Variants in CADM2 observed in about 807,000 individuals in gnomAD.
CADM2 encodes the protein immunoglobulin superfamily member 4D.
Under a neutral mutation model 49.8 loss-of-function variants are expected in CADM2, and 12 were observed. The ratio of observed to expected loss-of-function variants is 0.24; its 90% CI spans 0.15 to 0.39. CADM2 has a LOEUF of 0.39. CADM2 is among the 10% of genes least tolerant of loss of function. The probability of loss-of-function intolerance (pLI) is 1.00; values close to 1 mark genes in which losing one functional copy is unlikely to be tolerated. For synonymous variants in CADM2, 214 were observed against 175.4 expected (o/e 1.22, Z -1.74); for missense variants, 378 against 492.3 (o/e 0.77, Z 2.20).
At position 85,296,588 on chromosome 3, in the gene CADM2, T is replaced by C. The variant is rs1463786232; in HGVS notation, c.61+336920T>C. Reference sequence around the variant, plus strand: ...ACATACAGAAACACAGATATATTAATAAATGATACCTTAGAGTCTCACTCC... The same window carrying C: ...ACATACAGAAACACAGATATATTAACAAATGATACCTTAGAGTCTCACTCC... On this transcript the variant is annotated intron_variant, in intron 1 of 9. Transcript: ENST00000383699. Among the ~76,000 whole-genome samples the C allele has an allele frequency of 2.6e-5, 4 of 152,208 alleles. No homozygotes were observed. In the East Asian group the frequency reaches 7.8e-4, roughly 29 times the overall value.
chr3:85,791,521 GGAGA>G (rs373247946), intron 2 of CADM2, among the ~76,000 whole-genome samples: 34 of 131,334 alleles, frequency 2.6e-4, no homozygotes, highest in South Asian at 5.1e-4. Context: ...GGGTGGGGAG[GGAGA>G]GAGAGAGAGA....
intron 1 of CADM2, among the ~76,000 whole-genome samples, chr3:85,342,800 T>C (rs1375943608): frequency 6.6e-6 from 1 of 152,134 alleles, no homozygotes. Flanking sequence ...ACATGGAGTA[T>C]TGTCATGAAG....
At chr3:85,682,185 G>C (rs1272395025) in intron 1 of CADM2, among the ~76,000 whole-genome samples, 1 of 152,048 alleles carries the variant, frequency 6.6e-6, no homozygotes, top group Non-Finnish European at 1.5e-5. Flanking sequence ...TCACAAGATT[G>C]AATGAGCACT....
intron 1 of CADM2, among the ~76,000 whole-genome samples, chr3:85,220,473 T>C (rs1238309146): frequency 6.6e-6 from 1 of 152,166 alleles, no homozygotes; most frequent in Non-Finnish European, 1.5e-5. Flanking sequence ...TGTTTGTCTC[T>C]GTAATGTCAA....
chr3:85,375,391 T>C (rs894924657), intron 1 of CADM2, among the ~76,000 whole-genome samples: 13 of 152,332 alleles, frequency 8.5e-5, no homozygotes, highest in Admixed American at 5.2e-4. Context: ...TGTTGATAAT[T>C]GGCTGTAGCC....
intron 1 of CADM2, among the ~76,000 whole-genome samples, chr3:85,311,675 C>T (rs560960236): frequency 4.0e-4 from 61 of 152,188 alleles, no homozygotes; most frequent in Admixed American, 8.5e-4. Flanking sequence ...CACGCCCGGC[C>T]GCATCATTTT....
intron 1 of CADM2, among the ~76,000 whole-genome samples, chr3:85,210,774 T>G (rs2041759518): frequency 1.3e-5 from 2 of 152,152 alleles, no homozygotes; most frequent in Admixed American, 1.3e-4. Flanking sequence ...ACTGCTGAGC[T>G]GAAGTGATCC....
chr3:85,626,679 G>A (rs2064140062), intron 1 of CADM2, among the ~76,000 whole-genome samples: 1 of 151,966 alleles, frequency 6.6e-6, no homozygotes, highest in Non-Finnish European at 1.5e-5. Context: ...TCAAAAATCT[G>A]TAAATTGCAG....
chr3:85,746,898 G>A (rs1354036444), intron 2 of CADM2, among the ~76,000 whole-genome samples: 2 of 152,094 alleles, frequency 1.3e-5, no homozygotes, highest in Non-Finnish European at 2.9e-5. Flanking sequence ...TTTTTTCTCT[G>A]AGGGCTGAGG....
At chr3:85,079,728 G>T (rs544795670) in intron 1 of CADM2, among the ~76,000 whole-genome samples, 3 of 151,864 alleles carry the variant, frequency 2.0e-5, no homozygotes, top group Admixed American at 6.6e-5. Context: ...AAATTACATA[G>T]CAATAGCTTG....
intron 1 of CADM2, among the ~76,000 whole-genome samples, chr3:84,992,627 C>G (rs2032956465): frequency 6.6e-6 from 1 of 152,084 alleles, no homozygotes; most frequent in South Asian, 2.1e-4. Context: ...GACTCCTTCT[C>G]AACAACAACA....
chr3:85,918,204 G>T (rs1051869348), intron 6 of CADM2, among the ~76,000 whole-genome samples: 26 of 152,088 alleles, frequency 1.7e-4, no homozygotes, highest in African/African-American at 6.3e-4. Flanking sequence ...AATAGGGGTG[G>T]TGAGAGAAGG....
At chr3:85,668,559 A>T (rs545032468) in intron 1 of CADM2, among the ~76,000 whole-genome samples, 5 of 152,022 alleles carry the variant, frequency 3.3e-5, no homozygotes, top group Non-Finnish European at 5.9e-5. Flanking sequence ...TGTTCTCATG[A>T]TAGTGAATAA....
At chr3:85,094,952 A>G (rs1026454903) in intron 1 of CADM2, among the ~76,000 whole-genome samples, 22 of 152,168 alleles carry the variant, frequency 1.4e-4, no homozygotes, top group Admixed American at 2.0e-4. Flanking sequence ...AATATGTGCC[A>G]GTCTCCGAAA....
intron 1 of CADM2, among the ~76,000 whole-genome samples, chr3:85,396,495 T>C (rs2107418926): frequency 6.6e-6 from 1 of 152,138 alleles, no homozygotes; most frequent in Admixed American, 6.5e-5. Context: ...TTTTAAATTA[T>C]TGCAGCAACA....
intron 1 of CADM2, among the ~76,000 whole-genome samples, chr3:85,201,078 A>G (rs1478487102): frequency 6.6e-6 from 1 of 152,182 alleles, no homozygotes; most frequent in Non-Finnish European, 1.5e-5. Context: ...CGTCTATATT[A>G]CTGAAGGTTT....
chr3:85,715,141 G>T (rs1394980432), intron 1 of CADM2, among the ~76,000 whole-genome samples: 1 of 152,102 alleles, frequency 6.6e-6, no homozygotes, highest in Admixed American at 6.6e-5. Context: ...CATAGGGAGA[G>T]AATGCTTATG....
At chr3:85,968,747 C>T (rs1725758768) in intron 8 of CADM2, among the ~76,000 whole-genome samples, 1 of 151,612 alleles carries the variant, frequency 6.6e-6, no homozygotes, top group South Asian at 2.1e-4. Flanking sequence ...CAGAGCTCTT[C>T]TACCCAAGTA....
intron 1 of CADM2, among the ~76,000 whole-genome samples, chr3:85,513,260 G>C (rs2060815048): frequency 6.6e-6 from 1 of 151,900 alleles, no homozygotes; most frequent in Non-Finnish European, 1.5e-5. Flanking sequence ...CAAATTGGTA[G>C]TTAAGGAATC....
Sources: allele counts gnomAD v4.1 joint callset (sites outside exome capture counted in the v4.1 genomes callset), GRCh38; gene constraint gnomAD v4.1.1; transcripts MANE v1.5; gene names NCBI Gene and HGNC (gene_info 2026-07-23, HGNC 2026-07-21).